The following PLCB1 variants were observed in gnomAD, a reference collection of about 807,000 sequenced individuals.
PLCB1 encodes 1-phosphatidylinositol 4,5-bisphosphate phosphodiesterase beta-1.
PLCB1 carries 46 observed loss-of-function variants against 161.8 expected under a neutral mutation model. The ratio of observed to expected loss-of-function variants is 0.28; its 90% CI spans 0.22 to 0.36. The LOEUF (loss-of-function observed/expected upper bound fraction) is 0.36. PLCB1 is among the 10% of genes least tolerant of loss of function. The pLI, the probability that PLCB1 is intolerant of heterozygous loss-of-function variation, is 1.00. For synonymous variants in PLCB1, 517 were observed against 503.7 expected, an observed-to-expected ratio of 1.03 and a Z score of -0.35; for missense variants, 1,016 against 1,472.5, an observed-to-expected ratio of 0.69 and a Z score of 5.07.
intron 2 of PLCB1, among the ~76,000 whole-genome samples, chr20:8,358,348 G>A (rs7260699): frequency 0.043 from 6,493 of 151,982 alleles, 183 homozygotes; most frequent in African/African-American, 0.059. Flanking sequence ...TCCCGGGTTC[G>A]AGCGATTCTT....
chr20:8,258,148 T>C (rs1981519544), intron 2 of PLCB1, among the ~76,000 whole-genome samples: 1 of 152,198 alleles, frequency 6.6e-6, no homozygotes. Context: ...AAACATTATA[T>C]ATAAAGAGTA....
intron 3 of PLCB1, among the ~76,000 whole-genome samples, chr20:8,465,291 C>G (rs1363100341): frequency 6.6e-6 from 1 of 152,062 alleles, no homozygotes; most frequent in African/African-American, 2.4e-5. Context: ...ATTCATTCCC[C>G]AACTCCCTAC....
chr20:8,671,093 A>T (rs1989931372), intron 9 of PLCB1, among the ~76,000 whole-genome samples: 1 of 152,204 alleles, frequency 6.6e-6, no homozygotes, highest in African/African-American at 2.4e-5. Flanking sequence ...ATCCTGCCTA[A>T]TTGGCATTTG....
chr20:8,288,753 G>A (rs998525371), intron 2 of PLCB1, among the ~76,000 whole-genome samples: 7 of 152,142 alleles, frequency 4.6e-5, no homozygotes, highest in Admixed American at 4.6e-4. Context: ...ACCTGAGTGG[G>A]GCACGGAAGT....
intron 31 of PLCB1, among the ~76,000 whole-genome samples, chr20:8,829,754 C>T (rs377353046): frequency 9.2e-5 from 14 of 152,204 alleles, no homozygotes; most frequent in African/African-American, 3.1e-4. Flanking sequence ...TGTTCAGCAA[C>T]GTATAGATCA....
intron 23 of PLCB1, among the ~76,000 whole-genome samples, chr20:8,742,328 G>T (rs754805044): frequency 7.2e-5 from 11 of 152,192 alleles, no homozygotes; most frequent in Non-Finnish European, 1.0e-4. Context: ...ATAGAAAATG[G>T]AGAACTGTCA....
At chr20:8,851,516 G>C (rs1252356669) in intron 31 of PLCB1, among the ~76,000 whole-genome samples, 3 of 152,120 alleles carry the variant, frequency 2.0e-5, no homozygotes, top group Non-Finnish European at 4.4e-5. Context: ...GTATGGTAGT[G>C]GGTTACTTTT....
At chr20:8,343,696 T>C (rs2719777) in intron 2 of PLCB1, among the ~76,000 whole-genome samples, 9,744 of 152,254 alleles carry the variant, frequency 0.064, 837 homozygotes, top group African/African-American at 0.19. Context: ...TTCAGAGGCC[T>C]GCCCCTCTGG....
chr20:8,849,607 T>C (rs1404734828), intron 31 of PLCB1, among the ~76,000 whole-genome samples: 7 of 141,704 alleles, frequency 4.9e-5, no homozygotes, highest in Middle Eastern at 4.4e-3. Context: ...ATCTAGGAGG[T>C]GGAGGTTGCG....
intron 31 of PLCB1, among the ~76,000 whole-genome samples, chr20:8,858,614 T>A (rs1987145970): frequency 6.6e-6 from 1 of 152,018 alleles, no homozygotes; most frequent in Non-Finnish European, 1.5e-5. Context: ...TCCACTGGGG[T>A]CACTTCCACT....
chr20:8,748,409 A>G (rs1981281925), intron 23 of PLCB1, among the ~76,000 whole-genome samples: 1 of 152,236 alleles, frequency 6.6e-6, no homozygotes, highest in Non-Finnish European at 1.5e-5. Flanking sequence ...TCAAGAAAAG[A>G]CCATTCATTC....
chr20:8,196,570 A>T (rs1256039168), intron 2 of PLCB1, among the ~76,000 whole-genome samples: 2 of 151,722 alleles, frequency 1.3e-5, no homozygotes, highest in East Asian at 3.9e-4. Context: ...CAGTGCGTTT[A>T]TAGAGGCAGG....
chr20:8,767,131 C>G (rs1982360002), intron 26 of PLCB1, among the ~76,000 whole-genome samples: 1 of 152,156 alleles, frequency 6.6e-6, no homozygotes. Context: ...ACTCCATTAT[C>G]TAGCCTAGAT....
At chr20:8,331,292 A>G (rs1011261894) in intron 2 of PLCB1, among the ~76,000 whole-genome samples, 2 of 152,150 alleles carry the variant, frequency 1.3e-5, no homozygotes, top group African/African-American at 2.4e-5. Context: ...TATGCCTGCT[A>G]CCATATTCTC....
At chr20:8,260,898 C>T (rs1981655400) in intron 2 of PLCB1, among the ~76,000 whole-genome samples, 1 of 152,158 alleles carries the variant, frequency 6.6e-6, no homozygotes. Flanking sequence ...AGTCCCCTTT[C>T]CCAGAGATGC....
At chr20:8,628,637 A>G (rs1270547927) in intron 4 of PLCB1, 1 of 562,952 alleles carries the variant, frequency 1.8e-6, no homozygotes, top group Non-Finnish European at 3.1e-6. Context: ...TTTTTTTCAT[A>G]AAGAATAAGC....
At chr20:8,168,714 A>G (rs1210420449) in intron 2 of PLCB1, among the ~76,000 whole-genome samples, 1 of 151,322 alleles carries the variant, frequency 6.6e-6, no homozygotes, top group African/African-American at 2.4e-5. Flanking sequence ...TTCTTCCTAA[A>G]TGATTTGGAA....
chr20:8,600,426 A>C (rs1240803823), intron 3 of PLCB1, among the ~76,000 whole-genome samples: 2 of 145,468 alleles, frequency 1.4e-5, no homozygotes, highest in African/African-American at 5.2e-5. Flanking sequence ...GTCAGGGGTC[A>C]GGGACCCACT....
intron 3 of PLCB1, among the ~76,000 whole-genome samples, chr20:8,533,429 A>G (rs1490669366): frequency 7.2e-5 from 11 of 151,866 alleles, no homozygotes; most frequent in Admixed American, 2.0e-4. Flanking sequence ...GATCCCTGAG[A>G]AATCGCCACA....
Sources: gnomAD v4.1 joint callset for allele counts (sites outside exome capture counted in the v4.1 genomes callset) on GRCh38, gnomAD v4.1.1 for gene constraint, MANE v1.5 for transcripts, NCBI Gene and HGNC (gene_info 2026-07-23, HGNC 2026-07-21) for gene names.